The following HTT-AS variants were observed in gnomAD, a reference collection of about 807,000 sequenced individuals.
The protein encoded by HTT-AS is HTT antisense RNA (head to head).
exon 2 of HTT-AS, chr4:3,063,445 G>A (rs920848511): frequency 6.6e-6 from 1 of 152,340 alleles, no homozygotes; most frequent in Admixed American, 6.5e-5. Flanking sequence ...CAGTGGCAGA[G>A]CCAGCCTTGG....
At chr4:3,064,337 G>T (rs2471353) in intron 1 of HTT-AS, among the ~76,000 whole-genome samples, 1 of 151,756 alleles carries the variant, frequency 6.6e-6, no homozygotes, top group African/African-American at 2.4e-5. Flanking sequence ...CTTGTGATCC[G>T]CCTGCCTCAG....
At position 3,064,702 on chromosome 4, in the gene HTT-AS, C is replaced by A. The variant is rs559194932; in HGVS notation, n.114-1002G>T. Among the ~76,000 whole-genome samples, 4 of 152,304 alleles carry A rather than the reference C, an allele frequency of 2.6e-5. No individual in the cohort carries two copies. The South Asian group carries it at 6.2e-4, about 24-fold the overall frequency. On this transcript the variant is annotated intron_variant and non_coding_transcript_variant, in intron 1 of 2. Transcript: ENST00000664062. ...CAAAAAAACACCAGGCTCAAACAAT[C>A]TGACATGGGAATGTTAGCACACCTT...
chr4:3,066,272 CGATT>C (rs1712055357), intron 1 of HTT-AS, among the ~76,000 whole-genome samples: 1 of 152,052 alleles, frequency 6.6e-6, no homozygotes, highest in Non-Finnish European at 1.5e-5. Flanking sequence ...CTGGTTCAAG[CGATT>C]CTCCTGCCTC....
intron 1 of HTT-AS, among the ~76,000 whole-genome samples, chr4:3,074,099 C>G (rs1241392369): frequency 3.6e-5 from 5 of 139,002 alleles, no homozygotes; most frequent in African/African-American, 1.1e-4. Flanking sequence ...CGCCCCACCT[C>G]TCACCTTCCT....
At chr4:3,062,984 G>A (rs1362628737) in exon 2 of HTT-AS, among the ~76,000 whole-genome samples, 1 of 152,168 alleles carries the variant, frequency 6.6e-6, no homozygotes, top group Non-Finnish European at 1.5e-5. Context: ...TTACTAAAGA[G>A]ATCTTCCTGA....
chr4:3,072,907 C>A (rs914208932), intron 1 of HTT-AS, among the ~76,000 whole-genome samples: 1 of 152,148 alleles, frequency 6.6e-6, no homozygotes, highest in African/African-American at 2.4e-5. Flanking sequence ...GGATTACAGG[C>A]GTGAGCCACC....
rs1389923968 is a variant in HTT-AS at position 3,064,069 on chromosome 4, C to T, written n.114-369G>A. On this transcript the variant is annotated intron_variant and non_coding_transcript_variant, in intron 1 of 2. Transcript: ENST00000664062. ...GAAGCAGAAAGTGCTGGCTATAACA[C>T]AGGAAAGCTGTAACACAAATAATAA... 6.0e-5 allele frequency among the ~76,000 whole-genome samples: 9 copies of T among 150,422 alleles called. No homozygotes were observed. In the East Asian group the frequency reaches 1.6e-3, roughly 26 times the overall value.
chr4:3,066,274 A>G (rs957065259), intron 1 of HTT-AS, among the ~76,000 whole-genome samples: 5 of 151,814 alleles, frequency 3.3e-5, no homozygotes, highest in African/African-American at 1.2e-4. Flanking sequence ...GGTTCAAGCG[A>G]TTCTCCTGCC....
chr4:3,063,878 G>C (rs902266899), intron 1 of HTT-AS, among the ~76,000 whole-genome samples: 3 of 152,036 alleles, frequency 2.0e-5, no homozygotes, highest in Non-Finnish European at 4.4e-5. Context: ...TGAAGGTTGT[G>C]GGTGGTATGA....
At chr4:3,074,182 C>T (rs1201127328) in intron 1 of HTT-AS, among the ~76,000 whole-genome samples, 1 of 134,440 alleles carries the variant, frequency 7.4e-6, no homozygotes, top group African/African-American at 2.8e-5. Flanking sequence ...TCAGCCGCCC[C>T]GCCCCTCAGC....
At chr4:3,064,100 T>TTG (rs1711996005) in intron 1 of HTT-AS, among the ~76,000 whole-genome samples, 1 of 150,224 alleles carries the variant, frequency 6.7e-6, no homozygotes. Context: ...AATAAAGTTT[T>TTG]TTTTTTTTTT....
chr4:3,070,727 A>G (rs1712157175), intron 1 of HTT-AS, among the ~76,000 whole-genome samples: 1 of 152,130 alleles, frequency 6.6e-6, no homozygotes, highest in African/African-American at 2.4e-5. Flanking sequence ...GATTCTAATG[A>G]CTGCCTGTGG....
chr4:3,066,731 G>T (rs1490154800), intron 1 of HTT-AS, among the ~76,000 whole-genome samples: 2 of 152,164 alleles, frequency 1.3e-5, no homozygotes, highest in African/African-American at 4.8e-5. Flanking sequence ...CCAGGAGCCT[G>T]GCATTGCAAA....
chr4:3,073,490 G>T (rs1712248009), intron 1 of HTT-AS, among the ~76,000 whole-genome samples: 1 of 152,230 alleles, frequency 6.6e-6, no homozygotes, highest in Non-Finnish European at 1.5e-5. Context: ...GTCAGAGCAG[G>T]GGTGCACTCC....
exon 3 of HTT-AS, among the ~76,000 whole-genome samples, chr4:3,049,691 T>C (rs1159041603): frequency 8.5e-5 from 13 of 152,172 alleles, no homozygotes; most frequent in Admixed American, 6.6e-5. Flanking sequence ...AGATCCAGTC[T>C]TCGGGTTCTA....
At chr4:3,074,603 T>TGGCCGGCGTGGCCCCGCCTC (rs1712350086), upstream of HTT-AS, 4 of 393,300 alleles carry the variant, frequency 1.0e-5, no homozygotes, top group Non-Finnish European at 1.7e-5. Flanking sequence ...TCAATCATGC[T>TGGCCGGCGTGGCCCCGCCTC]GGCCGGCGTG....
At position 3,058,720 on chromosome 4, in the gene HTT-AS, C is replaced by CTTT. The variant is rs57201001; in HGVS notation, n.1380+3711_1380+3713dup. Among the ~76,000 whole-genome samples, 7 of 147,290 alleles carry CTTT rather than the reference C, an allele frequency of 4.8e-5. 1 individual carries two copies. Among genetic ancestry groups the CTTT allele is most frequent in the African/African-American group, 1.7e-4 (7 of 40,026 alleles). Reference sequence around the variant, plus strand: ...ATATTAGCTGCATCATTTTACATTTCTTTTTTTTTTTTCCTTTTAAATGGG... The same window carrying CTTT: ...ATATTAGCTGCATCATTTTACATTTCTTTTTTTTTTTTTTTCCTTTTAAATGGG... On this transcript the variant is annotated intron_variant and non_coding_transcript_variant, in intron 2 of 2. Transcript: ENST00000664062.
chr4:3,046,378 G>A (rs567561628), downstream of HTT-AS, among the ~76,000 whole-genome samples: 12 of 152,314 alleles, frequency 7.9e-5, no homozygotes, highest in Non-Finnish European at 1.5e-4. Flanking sequence ...AGTGAAGTAC[G>A]GCTGCTGGGA....
chr4:3,050,034 C>G (rs182332269), intron 2 of HTT-AS, among the ~76,000 whole-genome samples: 4 of 152,010 alleles, frequency 2.6e-5, no homozygotes, highest in African/African-American at 9.7e-5. Flanking sequence ...CAACCTCTGC[C>G]TCCCACACAC....
Sources: allele counts gnomAD v4.1 joint callset (sites outside exome capture counted in the v4.1 genomes callset), GRCh38; gene constraint gnomAD v4.1.1; transcripts MANE v1.5; gene names NCBI Gene and HGNC (gene_info 2026-07-23, HGNC 2026-07-21).